Variants in PDPK1 observed in about 807,000 individuals in gnomAD.
PDPK1 encodes 3-phosphoinositide-dependent protein kinase 1.
Under a neutral mutation model 39.8 loss-of-function variants are expected in PDPK1, and 7 were observed. The observed-to-expected ratio is 0.18, with a 90% CI of 0.10 to 0.33. The LOEUF (loss-of-function observed/expected upper bound fraction) is 0.33, where lower values mean the gene tolerates loss of function less well. PDPK1 is among the 10% of genes least tolerant of loss of function. The pLI is 1.00. For synonymous variants in PDPK1, 118 were observed against 159.1 expected (o/e 0.74, Z 1.95); for missense variants, 182 against 384.7 (o/e 0.47, Z 4.41).
rs553610099 is a variant in PDPK1, at chr16:2,556,351, C to T, written c.25-1352C>T. 3.8e-3 allele frequency among the ~76,000 whole-genome samples: 559 copies of T among 147,332 alleles called. 15 individuals carry two copies. The highest frequency in any genetic ancestry group is 0.014 in the African/African-American group (529 of 38,794). On this transcript the variant is annotated intron_variant, in intron 1 of 13. Transcript: ENST00000342085. ...ATCCACCCACTTTGGCCTCTGCGCCCGGCCTATTTTTTTTTTTTTTTTTTT... is the reference window on the plus strand; with the variant it reads ...ATCCACCCACTTTGGCCTCTGCGCCTGGCCTATTTTTTTTTTTTTTTTTTT...
In PDPK1 at chr16:2,588,221, G is replaced by T. The variant is rs1201158006; in HGVS notation, c.1343+1328G>T. ...TGCTGGCAGGCAGCAACAGTCTACAGCTAGGGGCTCTGAATCACACCTAGT... is the reference window on the plus strand; with the variant it reads ...TGCTGGCAGGCAGCAACAGTCTACATCTAGGGGCTCTGAATCACACCTAGT... On this transcript the variant is annotated intron_variant, in intron 11 of 13. Coordinates refer to ENST00000342085, the MANE Select transcript of PDPK1 (RefSeq NM_002613.5). Among the ~76,000 whole-genome samples the T allele has an allele frequency of 2.0e-5, 3 of 152,256 alleles. No individual in the cohort carries two copies. The East Asian group carries it at 5.8e-4, about 29-fold the overall frequency.
chr16:2,550,307 T>C (rs2066390920), intron 1 of PDPK1, among the ~76,000 whole-genome samples: 3 of 139,810 alleles, frequency 2.1e-5, no homozygotes, highest in Non-Finnish European at 1.5e-5. Flanking sequence ...ACAGAAGATA[T>C]ATGGAGAGTT....
intron 1 of PDPK1, among the ~76,000 whole-genome samples, chr16:2,544,775 G>A (rs938958377): frequency 3.3e-5 from 5 of 151,878 alleles, no homozygotes; most frequent in African/African-American, 7.3e-5. Context: ...TAGTAGAGAC[G>A]GGGTTTCACC....
Position 2,602,940 on chromosome 16 carries a change from G to C in PDPK1, c.*5173G>C, listed in dbSNP as rs1482038806. Reference sequence around the variant, plus strand: ...AATTATTTGAATTGAATTCATGTTCGGGGCCACGTTGTTGTATGTATTGAT... The same window carrying C: ...AATTATTTGAATTGAATTCATGTTCCGGGCCACGTTGTTGTATGTATTGAT... On this transcript the variant is annotated 3_prime_UTR_variant, in exon 14 of 14. Coordinates refer to ENST00000342085, the MANE Select transcript of PDPK1 (RefSeq NM_002613.5). 1.3e-5 allele frequency: 3 copies of C among 231,790 alleles called. No individual in the cohort carries two copies. The highest frequency in any genetic ancestry group is 6.6e-5 in the African/African-American group (3 of 45,190). The allele number at this position is 231,790 out of a possible 1,614,324, so 14.4% of individuals were successfully genotyped here. A position where few individuals can be genotyped will look rare whatever the true frequency, so the allele number is the denominator to read the frequency against.
chr16:2,584,645 G>A (rs1331860513), intron 10 of PDPK1, among the ~76,000 whole-genome samples: 3 of 150,762 alleles, frequency 2.0e-5, no homozygotes, highest in African/African-American at 4.9e-5. Flanking sequence ...TGGGGTTTTA[G>A]GCATGAGTTA....
In PDPK1 at chr16:2,538,900, C is replaced by T. The variant is rs535994577; in HGVS notation, c.24+764C>T. On this transcript the variant is annotated intron_variant, in intron 1 of 13. Transcript: ENST00000342085. ...AGTATCCCTCGTGTTTTTATGTTTT[C>T]CATATGCTAAGTTCTACAGTCTGGG... 6.5e-5 allele frequency: 38 copies of T among 581,694 alleles called. No homozygotes were observed. In the South Asian group the frequency reaches 6.9e-4, roughly 11 times the overall value. 36.0% of individuals were successfully genotyped at this position (581,694 alleles called of 1,614,324 possible).
intron 10 of PDPK1, 28 bp from the exon 11 acceptor site, chr16:2,586,648 G>T (rs377743137): frequency 1.3e-6 from 2 of 1,597,550 alleles, no homozygotes; most frequent in South Asian, 2.2e-5. Flanking sequence ...GTGAAGGTGC[G>T]GTTCTCACTT....
chr16:2,593,344 T>C lies in PDPK1; in HGVS notation c.1344-2449T>C. Reference sequence around the variant, plus strand: ...GCTGTGGGGTGCAGCTGATGGCCCATGGCGGCTGTATCTGGAAGTCCTTTC... The same window carrying C: ...GCTGTGGGGTGCAGCTGATGGCCCACGGCGGCTGTATCTGGAAGTCCTTTC... On this transcript the variant is annotated intron_variant, in intron 11 of 13. Transcript: ENST00000342085. The surrounding 1 kb of genome is among the most constrained non-coding windows in gnomAD (Gnocchi z 4.2). 3.0e-6 allele frequency: 1 copy of C among 338,920 alleles called. No homozygotes were observed. Among genetic ancestry groups the C allele is most frequent in the East Asian group, 8.6e-5 (1 of 11,608 alleles). 21.0% of individuals were successfully genotyped at this position (338,920 alleles called of 1,614,324 possible). A position where few individuals can be genotyped will look rare whatever the true frequency, so the allele number is the denominator to read the frequency against.
intron 12 of PDPK1, 54 bp downstream of exon 12, chr16:2,595,904 T>C: frequency 1.5e-6 from 2 of 1,372,120 alleles, no homozygotes; most frequent in South Asian, 1.2e-5. Flanking sequence ...CTTCCCCGAC[T>C]CCAGCTTAGG....
At position 2,544,740 on chromosome 16, in the gene PDPK1, T is replaced by C. The variant is rs552981235; in HGVS notation, c.24+6604T>C. ...CTGGGACCACAGGCGCCTGCCACCA[T>C]GCCCGGCTAATTTTTTTGTATTTTT... is the stretch of plus-strand genomic sequence containing the variant. On this transcript the variant is annotated intron_variant, in intron 1 of 13. Transcript: ENST00000342085. Among the ~76,000 whole-genome samples, 30 of 151,368 alleles carry C rather than the reference T, an allele frequency of 2.0e-4. No homozygotes were observed. In the East Asian group the frequency reaches 2.0e-3, roughly 10 times the overall value.
chr16:2,538,247 C>A, intron 1 of PDPK1, 111 bp downstream of exon 1: 1 of 459,204 alleles, frequency 2.2e-6, no homozygotes, highest in Non-Finnish European at 2.9e-6. Flanking sequence ...CCGGGTGCCT[C>A]CTTACCTGCA....
chr16:2,597,853 C>T lies in PDPK1; in HGVS notation c.*86C>T. 2 of 806,324 alleles carry T rather than the reference C, an allele frequency of 2.5e-6. No homozygotes were observed. Among genetic ancestry groups the T allele is most frequent in the East Asian group, 2.5e-5 (1 of 39,236 alleles). 49.9% of individuals were successfully genotyped at this position (806,324 alleles called of 1,614,324 possible). A position where few individuals can be genotyped will look rare whatever the true frequency, so the allele number is the denominator to read the frequency against. ...GCCATCCGGGACGCTTCCAGACCAC[C>T]TGCCAGCCATCACAAGGGGAACGCA... On this transcript the variant is annotated 3_prime_UTR_variant, in exon 14 of 14. Coordinates refer to ENST00000342085, the MANE Select transcript of PDPK1 (RefSeq NM_002613.5). This position sits in a 1 kb window ranked among gnomAD's most constrained non-coding sequence, Gnocchi z 6.3.
chr16:2,585,651 C>T (rs548634396), intron 10 of PDPK1, among the ~76,000 whole-genome samples: 24 of 152,114 alleles, frequency 1.6e-4, no homozygotes, highest in African/African-American at 5.1e-4. Context: ...GTGGAGGGGT[C>T]GGCGTGGAGG....
At chr16:2,545,587 T>C (rs184082102) in intron 1 of PDPK1, among the ~76,000 whole-genome samples, 163 of 152,000 alleles carry the variant, frequency 1.1e-3, no homozygotes, top group African/African-American at 3.8e-3. Flanking sequence ...CTCCGCCTCC[T>C]GGGTTCAAGC....
intron 11 of PDPK1, chr16:2,592,488 A>C (rs1354451539): frequency 6.4e-6 from 2 of 310,826 alleles, no homozygotes; most frequent in East Asian, 2.1e-4. Flanking sequence ...AGCCTGGCCA[A>C]CATGGTGAAA....
chr16:2,538,959 A>T, intron 1 of PDPK1: 1 of 374,218 alleles, frequency 2.7e-6, no homozygotes, highest in Non-Finnish European at 5.0e-6. Flanking sequence ...CTTGTATGCG[A>T]TGTGCAGTGG....
At position 2,599,140 on chromosome 16, in the gene PDPK1, T is replaced by C. The variant is rs1433690775; in HGVS notation, c.*1373T>C. The C allele has an allele frequency of 1.3e-5, 3 of 233,276 alleles. No individual in the cohort carries two copies. The highest frequency in any genetic ancestry group is 2.5e-5 in the Non-Finnish European group (3 of 118,138). 14.5% of individuals were successfully genotyped at this position (233,276 alleles called of 1,614,324 possible). On this transcript the variant is annotated 3_prime_UTR_variant, in exon 14 of 14. Coordinates refer to ENST00000342085, the MANE Select transcript of PDPK1 (RefSeq NM_002613.5). ...GTCCTTTGCCTAGCTACTCCCCAGGTAGAGAGTGCTCCTGGTGGCCTGGCA... is the reference window on the plus strand; with the variant it reads ...GTCCTTTGCCTAGCTACTCCCCAGGCAGAGAGTGCTCCTGGTGGCCTGGCA...
intron 1 of PDPK1, chr16:2,538,904 A>G (rs1191930847): frequency 3.6e-6 from 2 of 557,826 alleles, no homozygotes; most frequent in Non-Finnish European, 5.5e-6. Context: ...TGTTTTCCAT[A>G]TGCTAAGTTC....
chr16:2,595,136 C>A (rs910472948), intron 11 of PDPK1, among the ~76,000 whole-genome samples: 2 of 152,116 alleles, frequency 1.3e-5, no homozygotes, highest in Admixed American at 1.3e-4. Context: ...AAACAAAAAT[C>A]TCTTGAACTT....
Sources: gnomAD v4.1 joint callset for allele counts (sites outside exome capture counted in the v4.1 genomes callset) on GRCh38, gnomAD v4.1.1 for gene constraint, Gnocchi (gnomAD v3.1) non-coding constraint, MANE v1.5 for transcripts, NCBI Gene and HGNC (gene_info 2026-07-23, HGNC 2026-07-21) for gene names.